CGAS: variants seen among roughly 807,000 people sequenced by gnomAD.
The protein encoded by CGAS is 2'3'-cGAMP synthase.
Under a neutral mutation model 34.0 loss-of-function variants are expected in CGAS, and 31 were observed. The observed-to-expected ratio is 0.91, with a 90% confidence interval of 0.69 to 1.23. The LOEUF (loss-of-function observed/expected upper bound fraction) is 1.23. Ranked by LOEUF, CGAS falls within the 50% of genes most tolerant of loss-of-function variation. CGAS has a pLI of 0.00. For missense variants in CGAS, 597 were observed against 657.6 expected (o/e 0.91, Z 1.01); for synonymous variants, 266 against 260.0 (o/e 1.02, Z -0.22).
chr6:73,438,491 A>G (rs1180708206), intron 3 of CGAS, among the ~76,000 whole-genome samples: 1 of 152,072 alleles, frequency 6.6e-6, no homozygotes, highest in Non-Finnish European at 1.5e-5. Flanking sequence ...AGGTCAAGAG[A>G]TGGAGACCAT....
rs763836802 is a variant in CGAS at position 73,451,767 on chromosome 6, A to G, written c.415T>C (p.Trp139Arg). 3 of 1,602,472 alleles carry G rather than the reference A, an allele frequency of 1.9e-6. No individual in the cohort carries two copies. The Admixed American group carries it at 5.2e-5, about 28-fold the overall frequency. Residue 139 changes from tryptophan (W) to arginine (R), a missense_variant, in exon 1 of 5, where the codon TGG becomes CGG. Around this residue, in one of 3 missense-constraint regions of CGAS, gnomAD observed 321 missense variants for 314.3 expected, o/e 1.02. Coordinates refer to ENST00000370315, the MANE Select transcript of CGAS (RefSeq NM_138441.3). Reference sequence around the variant, plus strand: ...GGCAGGCCGGGGCTGGGCACGTCCCAGGGCCCGGGCGGAGGTCTTGGCTTC... The same window carrying G: ...GGCAGGCCGGGGCTGGGCACGTCCCGGGGCCCGGGCGGAGGTCTTGGCTTC... ...STKPRPPPGP[W>R]DVPSPGLPVS...
chr6:73,423,890 C>T lies in CGAS; in HGVS notation c.*1337G>A, dbSNP rs542252563. The T allele has an allele frequency of 9.9e-5, 15 of 152,024 alleles. No individual in the cohort carries two copies. In the East Asian group the frequency reaches 1.2e-3, roughly 12 times the overall value. The allele number at this position is 152,024 out of a possible 1,614,324, so 9.4% of individuals were successfully genotyped here. On this transcript the variant is annotated 3_prime_UTR_variant, in exon 5 of 5. Coordinates refer to ENST00000370315, the MANE Select transcript of CGAS (RefSeq NM_138441.3). ...CAGAAGTTATTTGTTACACAGACAA[C>T]GAATGAAAGATAAATACCCCAAATA...
In CGAS at chr6:73,451,744, C is replaced by T. The variant is rs762781430; in HGVS notation, c.438G>A (p.Leu146=). 1 of 1,611,186 alleles carries T rather than the reference C, an allele frequency of 6.2e-7. No individual in the cohort carries two copies. The highest frequency in any genetic ancestry group is 1.1e-5 in the South Asian group (1 of 90,904). Residue 146 remains leucine (L), a synonymous_variant, in exon 1 of 5, where the codon CTG becomes CTA. Transcript: ENST00000370315. ...GTACGAGAATGGGGGCCGAGACCGG[C>T]AGGCCGGGGCTGGGCACGTCCCAGG... ...PGPWDVPSPG[L]PVSAPILVRR... is the part of the protein sequence containing the mutation.
intron 1 of CGAS, among the ~76,000 whole-genome samples, chr6:73,451,000 A>AG (rs1554239363): frequency 2.6e-5 from 4 of 151,056 alleles, no homozygotes; most frequent in African/African-American, 7.3e-5. Context: ...AAAAAAAAAA[A>AG]AAAAGAAAAG....
intron 2 of CGAS, among the ~76,000 whole-genome samples, chr6:73,443,235 CTTTTTTTTTT>C (rs35135687): frequency 1.9e-5 from 2 of 104,224 alleles, no homozygotes; most frequent in South Asian, 6.5e-4. Flanking sequence ...TTCCCAAACT[CTTTTTTTTTT>C]TTTTTTTTTT....
chr6:73,437,534 G>C (rs1770299584), intron 3 of CGAS, among the ~76,000 whole-genome samples: 1 of 151,916 alleles, frequency 6.6e-6, no homozygotes, highest in African/African-American at 2.4e-5. Context: ...GAACCCCTGG[G>C]CTCAAGCAAT....
At chr6:73,430,017 G>T (rs898628080) in intron 3 of CGAS, among the ~76,000 whole-genome samples, 2 of 151,976 alleles carry the variant, frequency 1.3e-5, no homozygotes, top group Admixed American at 6.6e-5. Flanking sequence ...CTCAATAGAT[G>T]AAGAAAATGA....
intron 3 of CGAS, among the ~76,000 whole-genome samples, chr6:73,438,029 ACTGCACTCCAG>A (rs1178966936): frequency 2.0e-5 from 3 of 152,222 alleles, no homozygotes; most frequent in Non-Finnish European, 4.4e-5. Flanking sequence ...AGATTGCACC[ACTGCACTCCAG>A]CCTGGGCGAC....
intron 3 of CGAS, among the ~76,000 whole-genome samples, chr6:73,439,494 A>AAAAG (rs1203469154): frequency 6.6e-6 from 1 of 151,604 alleles, no homozygotes; most frequent in Non-Finnish European, 1.5e-5. Context: ...GAAAAAAAAA[A>AAAAG]AAAGAAAGAA....
intron 1 of CGAS, among the ~76,000 whole-genome samples, chr6:73,450,232 C>A (rs1392357230): frequency 6.6e-6 from 1 of 151,824 alleles, no homozygotes; most frequent in Non-Finnish European, 1.5e-5. Flanking sequence ...GCCTGACCAA[C>A]ATGGAGAAAG....
rs34413328 is a variant in CGAS, at chr6:73,452,287, CA to C, written c.-107del. The C allele has an allele frequency of 0.19, 248,848 of 1,328,940 alleles. 23,572 individuals carry two copies. The highest frequency in any genetic ancestry group is 0.23 in the East Asian group (7,917 of 34,750). 82.3% of individuals were successfully genotyped at this position (1,328,940 alleles called of 1,614,324 possible). ...AAACCAAGCACTACTGGCGGGCACA[CA>C]AGAGTCTGCGACCCGAAGGGGAACC... On this transcript the variant is annotated 5_prime_UTR_variant, in exon 1 of 5. Transcript: ENST00000370315.
chr6:73,435,121 C>G (rs1236548168), intron 3 of CGAS, among the ~76,000 whole-genome samples: 1 of 152,038 alleles, frequency 6.6e-6, no homozygotes, highest in Non-Finnish European at 1.5e-5. Context: ...CAGTTCAAGA[C>G]CAGCATGGGC....
Position 73,424,450 on chromosome 6 carries a change from A to T in CGAS, c.*777T>A, listed in dbSNP as rs953143326. 6.6e-6 allele frequency: 1 copy of T among 151,156 alleles called. No individual in the cohort carries two copies. The highest frequency in any genetic ancestry group is 1.5e-5 in the Non-Finnish European group (1 of 67,944). 9.4% of individuals were successfully genotyped at this position (151,156 alleles called of 1,614,324 possible). On this transcript the variant is annotated 3_prime_UTR_variant, in exon 5 of 5. Transcript: ENST00000370315. ...CTCCATCTAAAAAAAAAAAAAAAAA[A>T]TTATGTATTTCCTGGCCAGGCACGG... is the stretch of plus-strand genomic sequence containing the variant.
At chr6:73,437,806 G>A (rs1269340854) in intron 3 of CGAS, among the ~76,000 whole-genome samples, 1 of 152,080 alleles carries the variant, frequency 6.6e-6, no homozygotes, top group Non-Finnish European at 1.5e-5. Context: ...CAGGCACAGT[G>A]GCTCATGCCT....
chr6:73,425,512 T>C lies in CGAS; in HGVS notation c.1284A>G (p.Lys428=). The C allele has an allele frequency of 6.2e-7, 1 of 1,613,062 alleles. No individual in the cohort carries two copies. Among genetic ancestry groups the C allele is most frequent in the Non-Finnish European group, 8.5e-7 (1 of 1,179,664 alleles). Reference sequence around the variant, plus strand: ...GATAAGAAGAGAATTTATCCAGATGTTTTTTGTCTTTAAACCTTTCTTTCA... The same window carrying C: ...GATAAGAAGAGAATTTATCCAGATGCTTTTTGTCTTTAAACCTTTCTTTCA... The part of the protein sequence containing the change: ...EQLKERFKDK[K]HLDKFSSYHV... The change falls in exon 5 of 5, where the codon AAA becomes AAG. Residue 428 remains lysine, a synonymous_variant. Coordinates refer to ENST00000370315, the MANE Select transcript of CGAS (RefSeq NM_138441.3).
At chr6:73,439,028 T>C (rs1018340680) in intron 3 of CGAS, among the ~76,000 whole-genome samples, 1 of 152,190 alleles carries the variant, frequency 6.6e-6, no homozygotes. Context: ...ATATATGAAG[T>C]TATGATGTGT....
At chr6:73,448,326 G>C (rs768265087) in intron 1 of CGAS, among the ~76,000 whole-genome samples, 4 of 152,138 alleles carry the variant, frequency 2.6e-5, no homozygotes, top group Non-Finnish European at 5.9e-5. Context: ...CTGGGAGGCA[G>C]AGGTTGCAGT....
At chr6:73,428,397 AC>A (rs902575562) in intron 4 of CGAS, among the ~76,000 whole-genome samples, 1 of 152,062 alleles carries the variant, frequency 6.6e-6, no homozygotes, top group Non-Finnish European at 1.5e-5. Context: ...GAATACTAAG[AC>A]CCATCGAATT....
intron 4 of CGAS, 137 bp from the exon 5 acceptor site, chr6:73,425,715 C>T: frequency 1.7e-6 from 1 of 585,788 alleles, no homozygotes; most frequent in Admixed American, 3.4e-5. Flanking sequence ...GACACAACGC[C>T]TGTAATCCCA....
Sources: gnomAD v4.1 joint callset for allele counts (sites outside exome capture counted in the v4.1 genomes callset) on GRCh38, gnomAD v4.1.1 for gene constraint, gnomAD v4.1.1 regional missense constraint, MANE v1.5 for transcripts, NCBI Gene and HGNC (gene_info 2026-07-23, HGNC 2026-07-21) for gene names.